The following PCDH15 variants were observed in gnomAD, a reference collection of about 807,000 sequenced individuals.
PCDH15 encodes the protein protocadherin related 15.
In PCDH15, 129 loss-of-function variants were observed where a neutral mutation model predicts 178.5. The ratio of observed to expected loss-of-function variants is 0.72; its 90% CI spans 0.63 to 0.84. The LOEUF (loss-of-function observed/expected upper bound fraction) is 0.84, where lower values mean the gene tolerates loss of function less well. Ranked by LOEUF, PCDH15 falls within the 40% of genes least tolerant of loss-of-function variation. The pLI is 0.00. For synonymous variants in PCDH15, 800 were observed against 732.0 expected (o/e 1.09, Z -1.50); for missense variants, 2,230 against 2,099.9 (o/e 1.06, Z -1.21).
chr10:55,045,158 T>A (rs1310454445), intron 2 of PCDH15, among the ~76,000 whole-genome samples: 1 of 152,108 alleles, frequency 6.6e-6, no homozygotes, highest in African/African-American at 2.4e-5. Flanking sequence ...ACTTGTATAT[T>A]TAATTTTATC....
chr10:54,207,348 C>G (rs1326679873), intron 10 of PCDH15, among the ~76,000 whole-genome samples: 1 of 149,788 alleles, frequency 6.7e-6, no homozygotes, highest in Non-Finnish European at 1.5e-5. Context: ...TGAAGAAACA[C>G]AAATACTGTT....
chr10:55,362,532 T>A (rs1470035455), intron 2 of PCDH15, among the ~76,000 whole-genome samples: 1 of 152,178 alleles, frequency 6.6e-6, no homozygotes, highest in South Asian at 2.1e-4. Context: ...TGTTCCCACC[T>A]AATTTCTCTT....
chr10:53,828,667 A>AT, intron 30 of PCDH15, 94 bp from the exon 31 acceptor site: 1 of 1,046,642 alleles, frequency 9.6e-7, no homozygotes, highest in Non-Finnish European at 1.5e-6. Flanking sequence ...TAAATCATGA[A>AT]TAATTTATAC....
intron 1 of PCDH15, among the ~76,000 whole-genome samples, chr10:55,291,634 C>A (rs1270740335): frequency 6.6e-6 from 1 of 152,062 alleles, no homozygotes; most frequent in African/African-American, 2.4e-5. Context: ...GAAAATTTAC[C>A]AAGCTCTCAG....
In PCDH15 at chr10:53,881,975, G is replaced by A. The variant is rs374006125; in HGVS notation, c.3502-15118C>T. On this transcript the variant is annotated intron_variant, in intron 26 of 37. Transcript: ENST00000644397. ...TAATTTGGTAAAATGTTAATATTAT[G>A]AATTGCCCACTTGCTTTTTTTTTTT... 4.1e-4 allele frequency among the ~76,000 whole-genome samples: 59 copies of A among 145,236 alleles called. 1 individual carries two copies. The East Asian group carries it at 9.8e-3, about 24-fold the overall frequency.
chr10:55,066,325 A>G (rs1291762524), intron 2 of PCDH15, among the ~76,000 whole-genome samples: 1 of 150,788 alleles, frequency 6.6e-6, no homozygotes, highest in Non-Finnish European at 1.5e-5. Context: ...TAAGTTTTTT[A>G]CTGTTCTCTT....
At chr10:55,516,756 T>C (rs983856075) in intron 2 of PCDH15, among the ~76,000 whole-genome samples, 3 of 152,168 alleles carry the variant, frequency 2.0e-5, no homozygotes, top group Non-Finnish European at 2.9e-5. Flanking sequence ...TGATATTTAG[T>C]GCTTTGTGAC....
intron 18 of PCDH15, among the ~76,000 whole-genome samples, chr10:54,051,461 G>A (rs546035023): frequency 2.2e-4 from 34 of 152,252 alleles, no homozygotes; most frequent in Non-Finnish European, 3.4e-4. Context: ...TGGGGAACTC[G>A]TTGGGAAATA....
intron 15 of PCDH15, among the ~76,000 whole-genome samples, chr10:54,103,429 A>C (rs1360661088): frequency 6.6e-6 from 1 of 152,168 alleles, no homozygotes; most frequent in Admixed American, 6.5e-5. Flanking sequence ...CTCCTATTGT[A>C]TTTAAATTTT....
At chr10:54,626,354 C>T (rs1222349911) in intron 2 of PCDH15, among the ~76,000 whole-genome samples, 1 of 152,156 alleles carries the variant, frequency 6.6e-6, no homozygotes, top group Non-Finnish European at 1.5e-5. Flanking sequence ...GGCCCTTATA[C>T]CACAGGCCTG....
chr10:53,817,503 TTTTTTTCTTTTTC>T, intron 34 of PCDH15, among the ~76,000 whole-genome samples: 1 of 151,082 alleles, frequency 6.6e-6, no homozygotes, highest in Non-Finnish European at 1.5e-5. Flanking sequence ...TTCTTTGTTT[TTTTTTTCTTTTTC>T]TTTTTTTTTT....
intron 5 of PCDH15, among the ~76,000 whole-genome samples, chr10:54,359,463 T>C (rs1030719441): frequency 6.6e-6 from 1 of 152,040 alleles, no homozygotes; most frequent in African/African-American, 2.4e-5. Flanking sequence ...TGTTCTCATA[T>C]TATTTAAATA....
chr10:54,677,548 TA>T (rs1565918688), intron 1 of PCDH15, among the ~76,000 whole-genome samples: 1 of 152,080 alleles, frequency 6.6e-6, no homozygotes, highest in Non-Finnish European at 1.5e-5. Flanking sequence ...GAAGGGATCA[TA>T]AATGCATAAG....
intron 26 of PCDH15, among the ~76,000 whole-genome samples, chr10:53,871,102 G>C (rs2079810885): frequency 6.6e-6 from 1 of 151,842 alleles, no homozygotes; most frequent in Non-Finnish European, 1.5e-5. Context: ...AGGAGGCTGA[G>C]GCGGGCGGGT....
intron 26 of PCDH15, among the ~76,000 whole-genome samples, chr10:53,887,267 A>G (rs2081167832): frequency 6.6e-6 from 1 of 152,192 alleles, no homozygotes; most frequent in Admixed American, 6.5e-5. Flanking sequence ...ACTATGTGGC[A>G]TTGTTTTACC....
intron 18 of PCDH15, among the ~76,000 whole-genome samples, chr10:54,023,444 T>C (rs964118926): frequency 2.6e-5 from 4 of 151,004 alleles, no homozygotes; most frequent in Non-Finnish European, 5.9e-5. Flanking sequence ...TACTATGTTA[T>C]GACAGAAAAC....
intron 14 of PCDH15, among the ~76,000 whole-genome samples, chr10:54,135,911 T>C (rs1446963479): frequency 1.3e-5 from 2 of 152,200 alleles, no homozygotes; most frequent in African/African-American, 4.8e-5. Flanking sequence ...GTTTATATAT[T>C]TGTATATGTA....
chr10:54,508,455 T>C (rs2081357137), intron 3 of PCDH15, among the ~76,000 whole-genome samples: 1 of 152,094 alleles, frequency 6.6e-6, no homozygotes. Context: ...TAAAATACCC[T>C]AAGCCTAAGA....
intron 1 of PCDH15, among the ~76,000 whole-genome samples, chr10:55,168,712 T>C (rs562148259): frequency 6.6e-6 from 1 of 152,298 alleles, no homozygotes; most frequent in Admixed American, 6.5e-5. Flanking sequence ...ATTTAATGCC[T>C]TCAGGTCAGG....
Sources: gnomAD v4.1 joint callset for allele counts (sites outside exome capture counted in the v4.1 genomes callset) on GRCh38, gnomAD v4.1.1 for gene constraint, MANE v1.5 for transcripts, NCBI Gene and HGNC (gene_info 2026-07-23, HGNC 2026-07-21) for gene names.